TACR3: variants seen among roughly 807,000 people sequenced by gnomAD.
The protein encoded by TACR3 is tachykinin receptor 3, also known as neuromedin-K receptor.
TACR3 carries 34 observed loss-of-function variants against 35.0 expected under a neutral mutation model. The ratio of observed to expected loss-of-function variants is 0.97; its 90% CI spans 0.74 to 1.30. The LOEUF (loss-of-function observed/expected upper bound fraction) is 1.30, where lower values mean the gene tolerates loss of function less well. TACR3 is among the 50% of genes most tolerant of loss of function. The pLI is 0.00. For synonymous variants in TACR3, 233 were observed against 221.1 expected (o/e 1.05, Z -0.48); for missense variants, 558 against 591.7 (o/e 0.94, Z 0.59).
chr4:103,713,136 A>G (rs1481297963), intron 1 of TACR3, among the ~76,000 whole-genome samples: 1 of 152,158 alleles, frequency 6.6e-6, no homozygotes, highest in Non-Finnish European at 1.5e-5. Flanking sequence ...TATATACCCA[A>G]AGGATTATAA....
intron 3 of TACR3, among the ~76,000 whole-genome samples, chr4:103,602,915 C>G (rs1242658552): frequency 6.6e-6 from 1 of 152,246 alleles, no homozygotes; most frequent in African/African-American, 2.4e-5. Context: ...CTCTTCAAAG[C>G]TGTCAGAGAG....
intron 3 of TACR3, among the ~76,000 whole-genome samples, chr4:103,642,137 A>G: frequency 6.6e-6 from 1 of 151,658 alleles, no homozygotes; most frequent in East Asian, 1.9e-4. Context: ...CTCACAACAA[A>G]AAAAGATAAA....
chr4:103,706,081 TG>T (rs1578266014), intron 1 of TACR3, among the ~76,000 whole-genome samples: 2 of 151,988 alleles, frequency 1.3e-5, no homozygotes, highest in African/African-American at 4.8e-5. Context: ...AGTAGGGAAG[TG>T]GGAGTAAAGG....
intron 1 of TACR3, among the ~76,000 whole-genome samples, chr4:103,686,358 C>T (rs913408364): frequency 6.6e-6 from 1 of 152,148 alleles, no homozygotes; most frequent in Non-Finnish European, 1.5e-5. Flanking sequence ...CAGTTATTGG[C>T]TGATTGAACA....
At chr4:103,687,075 T>G (rs1722264981) in intron 1 of TACR3, among the ~76,000 whole-genome samples, 1 of 152,028 alleles carries the variant, frequency 6.6e-6, no homozygotes, top group Admixed American at 6.6e-5. Context: ...ATCCCTGGGA[T>G]GCAAGGCTGG....
intron 3 of TACR3, 54 bp downstream of exon 3, chr4:103,656,140 T>C: frequency 6.2e-7 from 1 of 1,606,368 alleles, no homozygotes; most frequent in Non-Finnish European, 8.5e-7. Context: ...ATTGCTTTTC[T>C]TTCTGATATA....
At chr4:103,629,671 C>T (rs1173831157) in intron 3 of TACR3, among the ~76,000 whole-genome samples, 1 of 151,946 alleles carries the variant, frequency 6.6e-6, no homozygotes, top group Non-Finnish European at 1.5e-5. Flanking sequence ...ACATTCCATG[C>T]TCATGGGTAG....
intron 1 of TACR3, among the ~76,000 whole-genome samples, chr4:103,668,237 A>G (rs1373229871): frequency 6.6e-6 from 1 of 152,184 alleles, no homozygotes; most frequent in Non-Finnish European, 1.5e-5. Context: ...CAAGTCACAG[A>G]AATTATAGGT....
chr4:103,590,869 T>G (rs941654360), intron 4 of TACR3, among the ~76,000 whole-genome samples: 1 of 152,100 alleles, frequency 6.6e-6, no homozygotes, highest in Non-Finnish European at 1.5e-5. Flanking sequence ...CTACAAATAT[T>G]CTCACTTTTC....
At chr4:103,614,896 T>TG (rs1388820408) in intron 3 of TACR3, among the ~76,000 whole-genome samples, 4 of 123,278 alleles carry the variant, frequency 3.2e-5, no homozygotes, top group African/African-American at 1.2e-4. Context: ...TTTTTTTTTT[T>TG]TTTTTTTTTT....
chr4:103,613,487 T>C (rs76026915), intron 3 of TACR3, among the ~76,000 whole-genome samples: 1 of 125,458 alleles, frequency 8.0e-6, no homozygotes, highest in African/African-American at 4.2e-5. Flanking sequence ...GCCCGGCTAA[T>C]TTTTTTTTTT....
At chr4:103,674,310 T>C (rs1273444706) in intron 1 of TACR3, among the ~76,000 whole-genome samples, 1 of 151,720 alleles carries the variant, frequency 6.6e-6, no homozygotes. Flanking sequence ...CTATTATGTT[T>C]TTCTGTTTTT....
chr4:103,714,886 T>A (rs995542859), intron 1 of TACR3, among the ~76,000 whole-genome samples: 2 of 152,200 alleles, frequency 1.3e-5, no homozygotes, highest in African/African-American at 4.8e-5. Context: ...TCGTTCAGAA[T>A]AATTTTCAAA....
chr4:103,685,116 T>G (rs1043728679), intron 1 of TACR3, among the ~76,000 whole-genome samples: 1 of 152,054 alleles, frequency 6.6e-6, no homozygotes, highest in Non-Finnish European at 1.5e-5. Flanking sequence ...TCTATCACAT[T>G]TAAGAACTTC....
At chr4:103,641,417 G>A (rs184017189) in intron 3 of TACR3, among the ~76,000 whole-genome samples, 22 of 151,954 alleles carry the variant, frequency 1.4e-4, no homozygotes, top group East Asian at 1.4e-3. Context: ...AATTAAAACC[G>A]CAATGATATA....
chr4:103,683,888 A>G (rs528138903), intron 1 of TACR3, among the ~76,000 whole-genome samples: 5 of 152,038 alleles, frequency 3.3e-5, no homozygotes, highest in Non-Finnish European at 5.9e-5. Flanking sequence ...GGAGAGCCAG[A>G]CAGAAATACA....
At chr4:103,704,648 T>A (rs1469968544) in intron 1 of TACR3, among the ~76,000 whole-genome samples, 1 of 152,152 alleles carries the variant, frequency 6.6e-6, no homozygotes, top group Non-Finnish European at 1.5e-5. Flanking sequence ...AGCCCCATAA[T>A]CCAATCACCT....
At chr4:103,709,612 A>G (rs1018658607) in intron 1 of TACR3, among the ~76,000 whole-genome samples, 2 of 152,196 alleles carry the variant, frequency 1.3e-5, no homozygotes, top group African/African-American at 4.8e-5. Flanking sequence ...CGAGCAAAAT[A>G]ACCAGCTAAC....
chr4:103,633,047 C>G (rs948909688), intron 3 of TACR3, among the ~76,000 whole-genome samples: 1 of 107,784 alleles, frequency 9.3e-6, no homozygotes, highest in Non-Finnish European at 2.0e-5. Context: ...ATTTTCCTGA[C>G]ATCTTTTTGT....
Sources: gnomAD v4.1 joint callset for allele counts (sites outside exome capture counted in the v4.1 genomes callset) on GRCh38, gnomAD v4.1.1 for gene constraint, MANE v1.5 for transcripts, NCBI Gene and HGNC (gene_info 2026-07-23, HGNC 2026-07-21) for gene names.